The following CBR4 variants were observed in gnomAD, a reference collection of about 807,000 sequenced individuals.
CBR4 encodes the protein carbonyl reductase 4, also known as 3-oxoacyl-[acyl-carrier-protein] reductase.
A neutral mutation model predicts 21.0 loss-of-function variants in CBR4; 22 were observed. The observed-to-expected ratio is 1.05, with a 90% confidence interval of 0.75 to 1.50. The LOEUF is 1.50. CBR4 is among the 40% of genes most tolerant of loss of function. The pLI, the probability that CBR4 is intolerant of heterozygous loss-of-function variation, is 0.00. For missense variants in CBR4, 302 were observed against 286.3 expected (o/e 1.05, Z -0.40); for synonymous variants, 100 against 104.4 (o/e 0.96, Z 0.26).
chr4:168,989,211 AT>A lies in CBR4; in HGVS notation c.*938del. ...TAATCACTAATGCAAAATACTCTTA[AT>A]TTTTTAAATGTTGTATTTCTCGTTT... On this transcript the variant is annotated 3_prime_UTR_variant, in exon 5 of 5. Transcript: ENST00000306193. 7 of 973,608 alleles carry A rather than the reference AT, an allele frequency of 7.2e-6. No individual in the cohort carries two copies. The highest frequency in any genetic ancestry group is 7.3e-6 in the Non-Finnish European group (6 of 819,176). The allele number at this position is 973,608 out of a possible 1,614,324, so 60.3% of individuals were successfully genotyped here. A position where few individuals can be genotyped will look rare whatever the true frequency, so the allele number is the denominator to read the frequency against.
chr4:168,911,585 T>C (rs1758957745), intron 2 of CBR4, among the ~76,000 whole-genome samples: 1 of 152,210 alleles, frequency 6.6e-6, no homozygotes, highest in Admixed American at 6.5e-5. Flanking sequence ...AGTTGGATAG[T>C]TCATGATGGA....
chr4:168,951,546 T>C (rs955800175), intron 2 of CBR4, among the ~76,000 whole-genome samples: 1 of 152,262 alleles, frequency 6.6e-6, no homozygotes, highest in African/African-American at 2.4e-5. Flanking sequence ...TCTGCTTTGA[T>C]GTGTTTCCAG....
chr4:168,937,994 A>G (rs1763159888), intron 2 of CBR4, among the ~76,000 whole-genome samples: 1 of 152,204 alleles, frequency 6.6e-6, no homozygotes, highest in Non-Finnish European at 1.5e-5. Flanking sequence ...CTCCACCCCA[A>G]ATCAACAGAA....
At chr4:168,924,533 G>A (rs907772781) in intron 2 of CBR4, 3 of 1,071,658 alleles carry the variant, frequency 2.8e-6, no homozygotes, top group Non-Finnish European at 4.3e-6. Context: ...TAGATGTTTT[G>A]ATTTTTGATG....
chr4:168,926,212 G>T, intron 2 of CBR4: 1 of 1,524,974 alleles, frequency 6.6e-7, no homozygotes, highest in Non-Finnish European at 8.8e-7. Flanking sequence ...TTTCTTTGTA[G>T]CCCAGTGGCA....
At chr4:168,954,685 A>G (rs1763635010) in intron 2 of CBR4, among the ~76,000 whole-genome samples, 1 of 152,208 alleles carries the variant, frequency 6.6e-6, no homozygotes, top group Admixed American at 6.5e-5. Flanking sequence ...TTTTTCAGAA[A>G]GTTACTTGAA....
At chr4:168,903,963 A>G in intron 2 of CBR4, 1 of 1,474,912 alleles carries the variant, frequency 6.8e-7, no homozygotes, top group East Asian at 2.3e-5. Context: ...CAGGCATTTG[A>G]TTAGACAAAG....
At chr4:168,944,085 A>G (rs1763334854) in intron 2 of CBR4, among the ~76,000 whole-genome samples, 1 of 152,160 alleles carries the variant, frequency 6.6e-6, no homozygotes, top group South Asian at 2.1e-4. Context: ...TTCCCTTTTG[A>G]AAAAGTATCT....
intron 2 of CBR4, among the ~76,000 whole-genome samples, chr4:168,958,490 CA>C (rs1578936922): frequency 6.6e-6 from 1 of 152,150 alleles, no homozygotes; most frequent in East Asian, 1.9e-4. Flanking sequence ...GGATTGCTTA[CA>C]ATTTTGGCTA....
chr4:168,926,277 T>C lies in CBR4; in HGVS notation n.170-31512A>G. 1 of 1,537,178 alleles carries C rather than the reference T, an allele frequency of 6.5e-7. No homozygotes were observed. The highest frequency in any genetic ancestry group is 8.7e-7 in the Non-Finnish European group (1 of 1,146,806). ...AAGTACGGCCCTCAGCCAGTCGCTA[T>C]GCAGCACTTTCGGACCAGGGACTAG... On this transcript the variant is annotated intron_variant and non_coding_transcript_variant, in intron 2 of 3. Transcript: ENST00000509108.
rs116324272 is a variant in CBR4, at chr4:168,932,585, C to T, written n.170-37820G>A. On this transcript the variant is annotated intron_variant and non_coding_transcript_variant, in intron 2 of 3. Transcript: ENST00000509108. The stretch of plus-strand genomic sequence containing the variant: ...ATCTAGCTCTAAGAAGCTTAAAGTC[C>T]CCAAAGAGATTCAACCTAAACAGTT... 5.9e-3 allele frequency among the ~76,000 whole-genome samples: 904 copies of T among 152,062 alleles called. 14 individuals are homozygous for T. The highest frequency in any genetic ancestry group is 0.021 in the African/African-American group (858 of 41,476).
intron 2 of CBR4, among the ~76,000 whole-genome samples, chr4:168,946,433 A>G (rs1013259309): frequency 6.6e-6 from 1 of 152,172 alleles, no homozygotes; most frequent in Admixed American, 6.6e-5. Context: ...TGCCTGTTTT[A>G]CTCTAATTCT....
Position 168,972,671 on chromosome 4 carries a change from G to A in CBR4, n.169+29400C>T, listed in dbSNP as rs1011717349. 1.8e-4 allele frequency among the ~76,000 whole-genome samples: 28 copies of A among 152,268 alleles called. 1 individual carries two copies. The highest frequency in any genetic ancestry group is 2.1e-4 in the Non-Finnish European group (14 of 68,022). ...ACTGAGTTCATTATCAGATCTAGAAGCTTTCCAAATGAGTCTTTAGGGTTT... is the reference window on the plus strand; with the variant it reads ...ACTGAGTTCATTATCAGATCTAGAAACTTTCCAAATGAGTCTTTAGGGTTT... On this transcript the variant is annotated intron_variant and non_coding_transcript_variant, in intron 2 of 3. Coordinates refer to the CBR4 transcript ENST00000509108.
chr4:169,002,973 A>AAAAT (rs1276207223), intron 3 of CBR4, among the ~76,000 whole-genome samples: 1 of 152,228 alleles, frequency 6.6e-6, no homozygotes, highest in Non-Finnish European at 1.5e-5. Context: ...TGCCACAAAC[A>AAAAT]AAATATTACT....
intron 2 of CBR4, among the ~76,000 whole-genome samples, chr4:168,961,930 G>A (rs1222711389): frequency 6.9e-6 from 1 of 145,440 alleles, no homozygotes; most frequent in Non-Finnish European, 1.5e-5. Context: ...GGGAGAACAA[G>A]AGGAGAGCAC....
At chr4:168,949,019 T>C (rs1763468917) in intron 2 of CBR4, among the ~76,000 whole-genome samples, 2 of 152,230 alleles carry the variant, frequency 1.3e-5, no homozygotes, top group Admixed American at 1.3e-4. Flanking sequence ...TTTCCATTTG[T>C]TCGTGTCATC....
At position 168,897,334 on chromosome 4, in the gene CBR4, C is replaced by A. The variant is rs569743412; in HGVS notation, n.170-2569G>T. Among the ~76,000 whole-genome samples, 4 of 152,328 alleles carry A rather than the reference C, an allele frequency of 2.6e-5. No homozygotes were observed. In the South Asian group the frequency reaches 6.2e-4, roughly 24 times the overall value. ...ATACTGTTGTATTTCTTCCCTCAAACCAACAAACTTGTTTTTTAAACACTG... is the reference window on the plus strand; with the variant it reads ...ATACTGTTGTATTTCTTCCCTCAAAACAACAAACTTGTTTTTTAAACACTG... On this transcript the variant is annotated intron_variant and non_coding_transcript_variant, in intron 2 of 3. Coordinates refer to the CBR4 transcript ENST00000509108.
chr4:168,925,490 A>C (rs1762398255), intron 2 of CBR4: 6 of 556,150 alleles, frequency 1.1e-5, no homozygotes, highest in South Asian at 1.0e-4. Flanking sequence ...GTCCTAATGC[A>C]CTCTAAACGT....
chr4:168,962,487 G>A (rs1035241081), intron 2 of CBR4, among the ~76,000 whole-genome samples: 2 of 152,162 alleles, frequency 1.3e-5, no homozygotes, highest in African/African-American at 4.8e-5. Flanking sequence ...AAAGACTTGA[G>A]GATAATACTC....
Sources: gnomAD v4.1 joint callset for allele counts (sites outside exome capture counted in the v4.1 genomes callset) on GRCh38, gnomAD v4.1.1 for gene constraint, MANE v1.5 for transcripts, NCBI Gene and HGNC (gene_info 2026-07-23, HGNC 2026-07-21) for gene names.